Variants in SPNS1 observed in about 807,000 individuals in gnomAD.
The protein encoded by SPNS1 is protein spinster homolog 1.
SPNS1 carries 22 observed loss-of-function variants against 50.3 expected under a neutral mutation model. That is an observed-to-expected ratio of 0.44 (90% CI 0.31 to 0.62). The LOEUF (loss-of-function observed/expected upper bound fraction) is 0.62, where lower values mean the gene tolerates loss of function less well. Ranked by LOEUF, SPNS1 falls within the 20% of genes least tolerant of loss-of-function variation. The pLI, the probability that SPNS1 is intolerant of heterozygous loss-of-function variation, is 0.07. For missense variants in SPNS1, 576 were observed against 728.6 expected (o/e 0.79, Z 2.41); for synonymous variants, 295 against 317.4 (o/e 0.93, Z 0.75).
chr16:28,982,122 C>A, intron 7 of SPNS1, 66 bp downstream of exon 7: 1 of 1,567,540 alleles, frequency 6.4e-7, no homozygotes, highest in South Asian at 1.1e-5. Context: ...GCATCTGTGG[C>A]TCAGACCCAG....
At chr16:28,980,093 A>T (rs1382424224) in intron 5 of SPNS1, 1 of 151,930 alleles carries the variant, frequency 6.6e-6, no homozygotes, top group East Asian at 1.9e-4. Flanking sequence ...TGGGAGGCTG[A>T]GGTGGGCGGA....
In SPNS1 at chr16:28,981,971, G is replaced by T. The variant is rs1399560879; in HGVS notation, c.880G>T (p.Ala294Ser). 1 of 1,614,208 alleles carries T rather than the reference G, an allele frequency of 6.2e-7. No individual in the cohort carries two copies. ...AFVTGSLALW[A>S]PAFLLRSRVV... ...TGTCACGGGCTCCCTGGCTCTGTGG[G>T]CTCCGGCATTCCTGCTGCGTTCCCG... Residue 294 changes from alanine to serine, a missense_variant, in exon 7 of 12, where the codon GCT becomes TCT. Coordinates refer to ENST00000311008, the MANE Select transcript of SPNS1 (RefSeq NM_032038.3). This position sits in a 1 kb window ranked among gnomAD's most constrained non-coding sequence, Gnocchi z 4.2.
Position 28,981,210 on chromosome 16 carries a change from C to T in SPNS1, c.664-260C>T, listed in dbSNP as rs1193883765. 6.6e-6 allele frequency among the ~76,000 whole-genome samples: 1 copy of T among 152,150 alleles called. No homozygotes were observed. The highest frequency in any genetic ancestry group is 1.9e-4 in the East Asian group (1 of 5,196). ...GGCCAAGCCTGGGATCCTATTTAAA[C>T]CAAGTGGATTGAGAGAAGTAGGGGT... On this transcript the variant is annotated intron_variant, in intron 5 of 11. Coordinates refer to ENST00000311008, the MANE Select transcript of SPNS1 (RefSeq NM_032038.3). The surrounding 1 kb of genome is among the most constrained non-coding windows in gnomAD (Gnocchi z 4.2).
chr16:28,977,459 G>T (rs1364926863), intron 2 of SPNS1, among the ~76,000 whole-genome samples: 1 of 152,194 alleles, frequency 6.6e-6, no homozygotes, highest in African/African-American at 2.4e-5. Context: ...GAAGTTTCAG[G>T]GGGAGAGGAG....
Position 28,981,622 on chromosome 16 carries a change from T to G in SPNS1, c.809+7T>G, listed in dbSNP as rs770574630. ...TGAGGGCTCTGGCAAGAAAGTGAGT[T>G]TATTCCCACCCTAGACCACCATCTG... On this transcript the variant is annotated splice_region_variant and intron_variant, in intron 6 of 11. Transcript: ENST00000311008. The surrounding 1 kb of genome is among the most constrained non-coding windows in gnomAD (Gnocchi z 4.2). 12 of 1,613,666 alleles carry G rather than the reference T, an allele frequency of 7.4e-6. No homozygotes were observed. The highest frequency in any genetic ancestry group is 9.3e-6 in the Non-Finnish European group (11 of 1,179,808).
intron 2 of SPNS1, among the ~76,000 whole-genome samples, chr16:28,976,948 C>T (rs8045689): frequency 0.77 from 117,776 of 152,190 alleles, 46,703 homozygotes; most frequent in African/African-American, 0.94. Context: ...GCTGATAGTA[C>T]GCTATGCATG....
chr16:28,975,297 G>C lies in SPNS1; in HGVS notation c.146G>C (p.Arg49Pro), dbSNP rs765342500. The C allele has an allele frequency of 6.3e-7, 1 of 1,581,686 alleles. No individual in the cohort carries two copies. Among genetic ancestry groups the C allele is most frequent in the Non-Finnish European group, 8.6e-7 (1 of 1,161,648 alleles). ...GTCCCGGACCAGGAGGGGCTGCAGCGCATCACCGGCCTGTCTCCCGGCCGT... is the reference window on the plus strand; with the variant it reads ...GTCCCGGACCAGGAGGGGCTGCAGCCCATCACCGGCCTGTCTCCCGGCCGT... Reference protein sequence around the residue: ...PEVPDQEGLQRITGLSPGRSA... With the variant: ...PEVPDQEGLQPITGLSPGRSA... Residue 49 changes from arginine (R) to proline (P), a missense_variant, in exon 1 of 12, where the codon CGC (arginine) becomes CCC (proline). By Grantham distance (103) the Arg-to-Pro change is moderately radical. Around this residue, in one of 3 missense-constraint regions of SPNS1, gnomAD observed 144 missense variants for 181.2 expected, o/e 0.79. Coordinates refer to ENST00000311008, the MANE Select transcript of SPNS1 (RefSeq NM_032038.3).
Position 28,984,241 on chromosome 16 carries a change from T to C in SPNS1, c.1529T>C (p.Ile510Thr), listed in dbSNP as rs762609185. 8 of 1,607,938 alleles carry C rather than the reference T, an allele frequency of 5.0e-6. No individual in the cohort carries two copies. The highest frequency in any genetic ancestry group is 1.3e-5 in the African/African-American group (1 of 74,854). Residue 510 changes from isoleucine (I) to threonine (T), a missense_variant, in exon 12 of 12, where the codon ATT becomes ACT. Coordinates refer to ENST00000311008, the MANE Select transcript of SPNS1 (RefSeq NM_032038.3). ...GAAGCAGGGTCCACAGACGACCGGA[T>C]TGTGGTGCCCCAGCGGGGCCGCTCC... ...LHEAGSTDDR[I>T]VVPQRGRSTR... is the part of the protein sequence containing the mutation.
chr16:28,975,125 C>A lies in SPNS1; in HGVS notation c.-27C>A. ...GGTGGGATCGTCGGTGGGACCGGAG[C>A]GCGGGCGGGCGCGGCCCCCCGGGAC... On this transcript the variant is annotated 5_prime_UTR_variant, in exon 1 of 12. Transcript: ENST00000311008. The A allele has an allele frequency of 6.8e-7, 1 of 1,468,582 alleles. No individual in the cohort carries two copies. The highest frequency in any genetic ancestry group is 1.3e-5 in the South Asian group (1 of 75,006). 91.0% of individuals were successfully genotyped at this position (1,468,582 alleles called of 1,614,324 possible).
chr16:28,977,261 G>A (rs1965374033), intron 2 of SPNS1, among the ~76,000 whole-genome samples: 1 of 149,210 alleles, frequency 6.7e-6, no homozygotes, highest in Non-Finnish European at 1.5e-5. Context: ...GTTGCAGTGA[G>A]CTGAGATCGC....
chr16:28,977,901 C>A lies in SPNS1; in HGVS notation c.308-7C>A. The A allele has an allele frequency of 6.2e-7, 1 of 1,613,278 alleles. No homozygotes were observed. On this transcript the variant is annotated splice_region_variant and splice_polypyrimidine_tract_variant and intron_variant, in intron 2 of 11. Coordinates refer to ENST00000311008, the MANE Select transcript of SPNS1 (RefSeq NM_032038.3). Reference sequence around the variant, plus strand: ...GGGCTGAGCTGTGACTCTCTGCTTCCCCCTAGTGTTCATCTCCAGTTACAT... The same window carrying A: ...GGGCTGAGCTGTGACTCTCTGCTTCACCCTAGTGTTCATCTCCAGTTACAT...
In SPNS1 at chr16:28,983,225, G is replaced by A. The variant is rs1328699842; in HGVS notation, c.1255G>A (p.Glu419Lys). Reference protein sequence around the residue: ...VVIPTRRSTAEAFQIVLSHLL... With the variant: ...VVIPTRRSTAKAFQIVLSHLL... ...GATCCCTACCCGACGCTCCACCGCC[G>A]AGGCCTTCCAGATCGTGCTGTCCCA... The change falls in exon 10 of 12, where the codon GAG (glutamate) becomes AAG (lysine). Residue 419 changes from glutamate (E) to lysine (K), a missense_variant. Glu to Lys is a moderately conservative substitution (Grantham distance 56). Transcript: ENST00000311008. The surrounding 1 kb of genome is among the most constrained non-coding windows in gnomAD (Gnocchi z 5.4). 1.2e-6 allele frequency: 2 copies of A among 1,613,982 alleles called. No individual in the cohort carries two copies. The highest frequency in any genetic ancestry group is 1.7e-6 in the Non-Finnish European group (2 of 1,179,974).
chr16:28,979,388 C>G lies in SPNS1; in HGVS notation c.597-17C>G, dbSNP rs745840934. Reference sequence around the variant, plus strand: ...TGACTGGCTGTCCCCCCTTTTTCCCCTCTCTCCCTCCCACAGTGGTCTGGG... The same window carrying G: ...TGACTGGCTGTCCCCCCTTTTTCCCGTCTCTCCCTCCCACAGTGGTCTGGG... On this transcript the variant is annotated splice_polypyrimidine_tract_variant and intron_variant, in intron 4 of 11. Transcript: ENST00000311008. The G allele has an allele frequency of 6.2e-7, 1 of 1,614,064 alleles. No homozygotes were observed. The highest frequency in any genetic ancestry group is 1.7e-5 in the Admixed American group (1 of 59,994).
In SPNS1 at chr16:28,981,612, G is replaced by A. The variant is rs141585401; in HGVS notation, c.806G>A (p.Arg269Lys). The A allele has an allele frequency of 1.6e-4, 255 of 1,613,864 alleles. 1 individual carries two copies. Among genetic ancestry groups the A allele is most frequent in the Non-Finnish European group, 2.1e-4 (247 of 1,179,948 alleles). ...SWWADLRALA[R>K]NPSFVLSSLG... ...TGGGCAGATCTGAGGGCTCTGGCAA[G>A]AAAGTGAGTTTATTCCCACCCTAGA... is the stretch of plus-strand genomic sequence containing the variant. Residue 269 changes from arginine (R) to lysine (K), a missense_variant, in exon 6 of 12, where the codon AGA becomes AAA. Around this residue, in one of 3 missense-constraint regions of SPNS1, gnomAD observed 428 missense variants for 520.1 expected, o/e 0.82. Coordinates refer to ENST00000311008, the MANE Select transcript of SPNS1 (RefSeq NM_032038.3). The surrounding 1 kb of genome is among the most constrained non-coding windows in gnomAD (Gnocchi z 4.2).
rs200362731 is a variant in SPNS1 at position 28,976,575 on chromosome 16, AT to A, written c.307+1019del. Among the ~76,000 whole-genome samples the A allele has an allele frequency of 8.9e-3, 1,351 of 152,332 alleles. 111 individuals are homozygous for A. The South Asian group carries it at 0.19, about 22-fold the overall frequency. ...TTTTATAGAGGAAGTAGGTAGTGAT[AT>A]CTACAGCTTATAAAGAAACTGAGGC... On this transcript the variant is annotated intron_variant, in intron 2 of 11. Transcript: ENST00000311008.
chr16:28,980,663 A>G (rs1168527994), intron 5 of SPNS1: 1 of 152,106 alleles, frequency 6.6e-6, no homozygotes, highest in East Asian at 2.0e-4. Context: ...CACCCTGGCT[A>G]ACACAGTGAA....
Position 28,983,018 on chromosome 16 carries a change from A to G in SPNS1, c.1221+96A>G. On this transcript the variant is annotated intron_variant, in intron 9 of 11. Transcript: ENST00000311008. This position sits in a 1 kb window ranked among gnomAD's most constrained non-coding sequence, Gnocchi z 5.4. ...CTCTACCCCTCAAAGCCCAGCCTCA[A>G]CCTACCTTCTGCAATAAATAACATC... 7.1e-7 allele frequency: 1 copy of G among 1,405,322 alleles called. No individual in the cohort carries two copies. The highest frequency in any genetic ancestry group is 1.0e-6 in the Non-Finnish European group (1 of 997,060). The allele number at this position is 1,405,322 out of a possible 1,614,324, so 87.1% of individuals were successfully genotyped here. A position where few individuals can be genotyped will look rare whatever the true frequency, so the allele number is the denominator to read the frequency against.
In SPNS1 at chr16:28,982,469, C is replaced by G; in HGVS notation, c.1079C>G (p.Ala360Gly). The G allele has an allele frequency of 6.2e-7, 1 of 1,613,834 alleles. No homozygotes were observed. Among genetic ancestry groups the G allele is most frequent in the Non-Finnish European group, 8.5e-7 (1 of 1,179,960 alleles). Residue 360 changes from alanine (A) to glycine (G), a missense_variant, in exon 8 of 12, where the codon GCC (alanine) becomes GGC (glycine). Transcript: ENST00000311008. ...SNPRADPLVCATGLLGSAPFL... is the reference protein window; with the variant it reads ...SNPRADPLVCGTGLLGSAPFL... ...CCCCGGGCTGATCCCCTGGTCTGTG[C>G]CACTGGCCTCCTGGGCTCTGCACCC...
chr16:28,977,909 G>A lies in SPNS1; in HGVS notation c.309G>A (p.Val103=). 2.5e-6 allele frequency: 4 copies of A among 1,613,638 alleles called. No individual in the cohort carries two copies. The highest frequency in any genetic ancestry group is 2.5e-6 in the Non-Finnish European group (3 of 1,179,792). ...GDSSSGLIQT[V]FISSYMVLAP... is the part of the protein sequence containing the mutation. The stretch of plus-strand genomic sequence containing the variant: ...CTGTGACTCTCTGCTTCCCCCTAGT[G>A]TTCATCTCCAGTTACATGGTGTTGG... The change falls in exon 3 of 12, where the codon GTG becomes GTA. Residue 103 remains valine (V), a splice_region_variant and synonymous_variant. Coordinates refer to ENST00000311008, the MANE Select transcript of SPNS1 (RefSeq NM_032038.3).
Sources: allele counts gnomAD v4.1 joint callset (sites outside exome capture counted in the v4.1 genomes callset), GRCh38; gene constraint gnomAD v4.1.1; regional missense constraint gnomAD v4.1.1; non-coding constraint Gnocchi (gnomAD v3.1); transcripts MANE v1.5; gene names NCBI Gene and HGNC (gene_info 2026-07-23, HGNC 2026-07-21).